The following HSD17B11 variants were observed in gnomAD, a reference collection of about 807,000 sequenced individuals.
HSD17B11 encodes the protein hydroxysteroid 17-beta dehydrogenase 11.
Under a neutral mutation model 27.8 loss-of-function variants are expected in HSD17B11, and 22 were observed. The observed-to-expected ratio is 0.79, with a 90% CI of 0.56 to 1.13. The LOEUF (loss-of-function observed/expected upper bound fraction) is 1.13. Ranked by LOEUF, HSD17B11 falls within the 50% of genes most tolerant of loss-of-function variation. The pLI is 0.00. For synonymous variants in HSD17B11, 117 were observed against 132.8 expected (o/e 0.88, Z 0.82); for missense variants, 314 against 351.1 (o/e 0.89, Z 0.84).
chr4:87,369,582 C>T (rs1354095466), intron 4 of HSD17B11, among the ~76,000 whole-genome samples: 1 of 152,048 alleles, frequency 6.6e-6, no homozygotes, highest in Non-Finnish European at 1.5e-5. Context: ...TACAAGCACG[C>T]ACCACCACAC....
intron 4 of HSD17B11, among the ~76,000 whole-genome samples, chr4:87,369,460 G>A (rs368482485): frequency 1.3e-5 from 2 of 150,466 alleles, no homozygotes; most frequent in South Asian, 4.2e-4. Context: ...TTGTGTTGAG[G>A]TCTGTCTTTG....
At chr4:87,376,748 A>G (rs1735833646) in intron 2 of HSD17B11, among the ~76,000 whole-genome samples, 1 of 152,178 alleles carries the variant, frequency 6.6e-6, no homozygotes, top group Non-Finnish European at 1.5e-5. Flanking sequence ...TGCAGCTATC[A>G]TTGGTGAAAT....
intron 1 of HSD17B11, 87 bp downstream of exon 1, chr4:87,390,774 G>A: frequency 8.8e-7 from 1 of 1,140,776 alleles, no homozygotes; most frequent in Admixed American, 1.9e-5. Flanking sequence ...GCTTTGCAGA[G>A]ATGAGGTAAA....
chr4:87,368,089 G>A (rs1313333844), intron 4 of HSD17B11, among the ~76,000 whole-genome samples: 3 of 152,070 alleles, frequency 2.0e-5, no homozygotes, highest in African/African-American at 7.2e-5. Flanking sequence ...GGGCCGAGGC[G>A]GGTGGATCAC....
intron 5 of HSD17B11, among the ~76,000 whole-genome samples, chr4:87,354,485 T>A (rs1735343912): frequency 6.6e-6 from 1 of 150,894 alleles, no homozygotes; most frequent in Non-Finnish European, 1.5e-5. Context: ...CTACAAAAAA[T>A]TTAGAAATTA....
chr4:87,378,828 AT>A (rs1719999670), intron 2 of HSD17B11, among the ~76,000 whole-genome samples: 1 of 26,526 alleles, frequency 3.8e-5, no homozygotes, highest in Non-Finnish European at 7.4e-5. Context: ...AAATATATAT[AT>A]AAATATATAT....
intron 3 of HSD17B11, chr4:87,373,281 A>C (rs890034027): frequency 6.4e-6 from 1 of 157,282 alleles, no homozygotes; most frequent in African/African-American, 2.4e-5. Context: ...CAGAGGTTGC[A>C]GTGAGCCAAG....
At chr4:87,338,495 T>C (rs1017930156) in intron 6 of HSD17B11, among the ~76,000 whole-genome samples, 5 of 152,202 alleles carry the variant, frequency 3.3e-5, no homozygotes, top group African/African-American at 1.2e-4. Context: ...CAGTGGCATA[T>C]AACATTTATT....
chr4:87,365,267 A>C (rs1735594129), intron 4 of HSD17B11, among the ~76,000 whole-genome samples: 1 of 152,262 alleles, frequency 6.6e-6, no homozygotes, highest in South Asian at 2.1e-4. Context: ...CAATTGACTT[A>C]GAAAAGTAAG....
intron 5 of HSD17B11, among the ~76,000 whole-genome samples, chr4:87,356,682 T>C (rs1454497188): frequency 6.6e-6 from 1 of 152,218 alleles, no homozygotes; most frequent in East Asian, 1.9e-4. Flanking sequence ...TACAAAGACA[T>C]TAAAGCTATT....
intron 5 of HSD17B11, among the ~76,000 whole-genome samples, chr4:87,354,839 G>C (rs1578036003): frequency 6.6e-6 from 1 of 150,714 alleles, no homozygotes; most frequent in Non-Finnish European, 1.5e-5. Context: ...TTGGCTGGAT[G>C]CAATGACTCA....
At chr4:87,380,348 C>T (rs569058429) in intron 2 of HSD17B11, among the ~76,000 whole-genome samples, 5 of 147,704 alleles carry the variant, frequency 3.4e-5, no homozygotes, top group African/African-American at 1.0e-4. Context: ...TGGCGGGCAT[C>T]TGTAATCCCA....
chr4:87,344,320 T>C (rs1735227974), intron 5 of HSD17B11, among the ~76,000 whole-genome samples: 1 of 152,196 alleles, frequency 6.6e-6, no homozygotes, highest in African/African-American at 2.4e-5. Flanking sequence ...TCAACAGAAA[T>C]AAATCTTGGC....
chr4:87,379,458 A>G (rs1218760378), intron 2 of HSD17B11, among the ~76,000 whole-genome samples: 2 of 147,322 alleles, frequency 1.4e-5, no homozygotes, highest in Non-Finnish European at 3.0e-5. Flanking sequence ...GGATATATAT[A>G]TAATATTTAT....
chr4:87,382,454 A>G, intron 1 of HSD17B11, 92 bp from the exon 2 acceptor site: 1 of 813,142 alleles, frequency 1.2e-6, no homozygotes, highest in South Asian at 1.8e-5. Context: ...TTTAAAAAGT[A>G]GTGAGATTCT....
At position 87,390,878 on chromosome 4, in the gene HSD17B11, G is replaced by T. The variant is rs1191689366; in HGVS notation, c.193C>A (p.Leu65Ile). 1 of 1,613,954 alleles carries T rather than the reference G, an allele frequency of 6.2e-7. No homozygotes were observed. Among genetic ancestry groups the T allele is most frequent in the Non-Finnish European group, 8.5e-7 (1 of 1,179,834 alleles). ...ACTGTTACCTTATTTATATCCCAGA[G>T]AACCAGCTTGCTTTTAAGTTTAGCA... ...EFAKLKSKLV[L>I]WDINKHGLEE... Residue 65 changes from leucine (L) to isoleucine (I), a missense_variant, in exon 1 of 7, where the codon CTC becomes ATC. Transcript: ENST00000358290.
In HSD17B11 at chr4:87,372,728, G is replaced by C; in HGVS notation, c.538C>G (p.Pro180Ala). 1 of 1,610,076 alleles carries C rather than the reference G, an allele frequency of 6.2e-7. No individual in the cohort carries two copies. Among genetic ancestry groups the C allele is most frequent in the Non-Finnish European group, 8.5e-7 (1 of 1,176,368 alleles). Residue 180 changes from proline (P) to alanine (A), a missense_variant, in exon 4 of 7, where the codon CCC becomes GCC. Coordinates refer to ENST00000358290, the MANE Select transcript of HSD17B11 (RefSeq NM_016245.5). The stretch of plus-strand genomic sequence containing the variant: ...ACATACCAGTAAGCCAGTAAGAAGG[G>C]GACCGAGACATGTCCAGCTGCCGAA... Reference protein sequence around the residue: ...VASAAGHVSVPFLLAYCSSKF... With the variant: ...VASAAGHVSVAFLLAYCSSKF...
intron 4 of HSD17B11, among the ~76,000 whole-genome samples, chr4:87,359,059 T>A (rs912277028): frequency 6.6e-6 from 1 of 152,166 alleles, no homozygotes; most frequent in Non-Finnish European, 1.5e-5. Flanking sequence ...TCTCTCTCGC[T>A]GTCTCTCTCC....
intron 1 of HSD17B11, among the ~76,000 whole-genome samples, chr4:87,388,883 TTACA>T (rs1432207861): frequency 6.6e-6 from 1 of 152,220 alleles, no homozygotes; most frequent in Admixed American, 6.5e-5. Context: ...TAACTAACTC[TTACA>T]TACATTTAAA....
Sources: gnomAD v4.1 joint callset for allele counts (sites outside exome capture counted in the v4.1 genomes callset) on GRCh38, gnomAD v4.1.1 for gene constraint, MANE v1.5 for transcripts, NCBI Gene and HGNC (gene_info 2026-07-23, HGNC 2026-07-21) for gene names.